FOXP2: variants seen among roughly 807,000 people sequenced by gnomAD.
FOXP2 encodes forkhead box P2, also known as forkhead box protein P2.
Under a neutral mutation model 115.8 loss-of-function variants are expected in FOXP2, and 12 were observed. That is an observed-to-expected ratio of 0.10 (90% confidence interval 0.07 to 0.17). The LOEUF is 0.17. Among genes scored for constraint, FOXP2 ranks in the 10% least tolerant of loss-of-function variants. The pLI, the probability that FOXP2 is intolerant of heterozygous loss-of-function variation, is 1.00. For synonymous variants in FOXP2, 328 were observed against 297.7 expected (o/e 1.10, Z -1.05); for missense variants, 629 against 843.5 (o/e 0.75, Z 3.15).
chr7:114,395,877 A>T (rs1018564727), intron 2 of FOXP2, among the ~76,000 whole-genome samples: 3 of 151,698 alleles, frequency 2.0e-5, no homozygotes, highest in Non-Finnish European at 4.4e-5. Flanking sequence ...TTCTTTTTTT[A>T]AAAAAATTTT....
intron 1 of FOXP2, among the ~76,000 whole-genome samples, chr7:114,274,677 C>T (rs1796143607): frequency 7.7e-6 from 1 of 130,158 alleles, no homozygotes; most frequent in African/African-American, 2.8e-5. Flanking sequence ...TGCAGTGGCA[C>T]GATCTCGGCT....
intron 2 of FOXP2, among the ~76,000 whole-genome samples, chr7:114,518,134 T>C (rs1023704566): frequency 3.3e-5 from 5 of 152,154 alleles, no homozygotes; most frequent in African/African-American, 1.2e-4. Flanking sequence ...AGGTAACCCA[T>C]GGAAAGGACT....
intron 2 of FOXP2, among the ~76,000 whole-genome samples, chr7:114,479,744 C>T (rs909757570): frequency 6.6e-6 from 1 of 151,222 alleles, no homozygotes; most frequent in Admixed American, 6.6e-5. Flanking sequence ...CCTGTTTTTT[C>T]AGAAATAAAT....
chr7:114,356,661 G>T (rs975300790), intron 2 of FOXP2, among the ~76,000 whole-genome samples: 3 of 152,140 alleles, frequency 2.0e-5, no homozygotes, highest in Non-Finnish European at 2.9e-5. Flanking sequence ...TTCTTAAATG[G>T]TATTAGAGAG....
In FOXP2 at chr7:114,523,941, C is replaced by A. The variant is rs139824739; in HGVS notation, c.169-10676C>A. ...AAGTGGGCAACTTGGTGTAAACAAT[C>A]TTGTTACCTTGGTTACATATTCTGA... On this transcript the variant is annotated intron_variant, in intron 2 of 16. Coordinates refer to ENST00000350908, the MANE Select transcript of FOXP2 (RefSeq NM_014491.4). Among the ~76,000 whole-genome samples the A allele has an allele frequency of 5.7e-3, 868 of 152,252 alleles. 6 individuals carry two copies. The highest frequency in any genetic ancestry group is 0.019 in the African/African-American group (805 of 41,562).
chr7:114,688,709 T>G (rs922311369), intron 16 of FOXP2, among the ~76,000 whole-genome samples: 3 of 152,172 alleles, frequency 2.0e-5, no homozygotes, highest in African/African-American at 7.2e-5. Context: ...CTGTTGTGTT[T>G]GGAAATTTCC....
intron 1 of FOXP2, among the ~76,000 whole-genome samples, chr7:114,139,040 T>C (rs1325228533): frequency 6.6e-6 from 1 of 152,172 alleles, no homozygotes; most frequent in African/African-American, 2.4e-5. Flanking sequence ...TGGGTATATG[T>C]TGTATATATA....
At chr7:114,457,490 A>C (rs1002577983) in intron 2 of FOXP2, among the ~76,000 whole-genome samples, 6 of 152,290 alleles carry the variant, frequency 3.9e-5, no homozygotes, top group Admixed American at 1.3e-4. Flanking sequence ...TTACATAGAA[A>C]AGTCATATTG....
intron 9 of FOXP2, among the ~76,000 whole-genome samples, chr7:114,653,706 A>G (rs1156888761): frequency 6.6e-6 from 1 of 152,096 alleles, no homozygotes; most frequent in Non-Finnish European, 1.5e-5. Context: ...ATGAAGTGTT[A>G]TTTGTTTTCT....
chr7:114,627,634 C>A (rs1804666880), intron 3 of FOXP2, among the ~76,000 whole-genome samples: 1 of 152,064 alleles, frequency 6.6e-6, no homozygotes, highest in Non-Finnish European at 1.5e-5. Flanking sequence ...TTCCTTACTT[C>A]CTTCCTTCTT....
At chr7:114,187,410 A>G (rs1793636046) in intron 1 of FOXP2, among the ~76,000 whole-genome samples, 1 of 152,166 alleles carries the variant, frequency 6.6e-6, no homozygotes, top group Non-Finnish European at 1.5e-5. Context: ...ATTTGTTGCT[A>G]CTTTATAACA....
intron 1 of FOXP2, among the ~76,000 whole-genome samples, chr7:114,137,287 T>C (rs958772924): frequency 2.0e-5 from 3 of 152,150 alleles, no homozygotes; most frequent in Non-Finnish European, 4.4e-5. Flanking sequence ...GTAAAGTGTG[T>C]CTATAAGTCA....
chr7:114,206,408 C>G (rs929081711), intron 1 of FOXP2, among the ~76,000 whole-genome samples: 2 of 152,082 alleles, frequency 1.3e-5, no homozygotes, highest in African/African-American at 4.8e-5. Context: ...AGGTTATCTC[C>G]TGGTTGAGGG....
chr7:114,501,001 A>G (rs2129252314), intron 2 of FOXP2, among the ~76,000 whole-genome samples: 1 of 152,258 alleles, frequency 6.6e-6, no homozygotes, highest in East Asian at 1.9e-4. Context: ...TGAGCTTTAC[A>G]GTGATAAATT....
chr7:114,442,019 A>C lies in FOXP2; in HGVS notation c.168+15340A>C, dbSNP rs539897689. On this transcript the variant is annotated intron_variant, in intron 2 of 16. Coordinates refer to ENST00000350908, the MANE Select transcript of FOXP2 (RefSeq NM_014491.4). Reference sequence around the variant, plus strand: ...AATCCTATGTATCTATGCAAGAGGAATGGAAACACTTATTTACATATATTT... The same window carrying C: ...AATCCTATGTATCTATGCAAGAGGACTGGAAACACTTATTTACATATATTT... 2.8e-4 allele frequency among the ~76,000 whole-genome samples: 43 copies of C among 152,328 alleles called. No individual in the cohort carries two copies. The South Asian group carries it at 3.1e-3, about 11-fold the overall frequency.
At chr7:114,662,377 A>C (rs1563066858) in intron 14 of FOXP2, among the ~76,000 whole-genome samples, 191 bp downstream of exon 14, 1 of 152,076 alleles carries the variant, frequency 6.6e-6, no homozygotes, top group Non-Finnish European at 1.5e-5. Flanking sequence ...TTCCGTAAAA[A>C]TCATCACAGG....
At chr7:114,443,655 T>C (rs538471610) in intron 2 of FOXP2, among the ~76,000 whole-genome samples, 2 of 152,296 alleles carry the variant, frequency 1.3e-5, no homozygotes, top group East Asian at 1.9e-4. Context: ...CTCCCACTTA[T>C]AAGTGAGAAC....
chr7:114,521,482 C>T (rs1055836141), intron 2 of FOXP2, among the ~76,000 whole-genome samples: 1 of 135,600 alleles, frequency 7.4e-6, no homozygotes, highest in Non-Finnish European at 1.5e-5. Flanking sequence ...ACAGTGGACT[C>T]TGAGTCTACC....
intron 2 of FOXP2, among the ~76,000 whole-genome samples, chr7:114,372,203 C>G (rs539855035): frequency 6.6e-6 from 1 of 152,258 alleles, no homozygotes; most frequent in East Asian, 1.9e-4. Flanking sequence ...AATATCTGTC[C>G]TGTTCTCCAA....
Sources: gnomAD v4.1 joint callset for allele counts (sites outside exome capture counted in the v4.1 genomes callset) on GRCh38, gnomAD v4.1.1 for gene constraint, MANE v1.5 for transcripts, NCBI Gene and HGNC (gene_info 2026-07-23, HGNC 2026-07-21) for gene names.